Variants in CCSER1 observed in about 807,000 individuals in gnomAD.
CCSER1 encodes the protein coiled-coil serine rich protein 1.
In CCSER1, 41 loss-of-function variants were observed where a neutral mutation model predicts 82.0. That is an observed-to-expected ratio of 0.50 (90% CI 0.39 to 0.65). CCSER1 has a LOEUF of 0.65. Ranked by LOEUF, CCSER1 falls within the 30% of genes least tolerant of loss-of-function variation. CCSER1 has a pLI of 0.00. For missense variants in CCSER1, 1,119 were observed against 1,064.2 expected (o/e 1.05, Z -0.72); for synonymous variants, 414 against 383.9 (o/e 1.08, Z -0.92).
Position 90,574,251 on chromosome 4 carries a change from ATTTTTTTTT to A in CCSER1, c.1725-53754_1725-53746del, listed in dbSNP as rs777629017. ...CCATATAGCTTGTAGAAACACATTA[ATTTTTTTTT>A]TTTTTTTTTTTTTTTTTTTGAGACG... On this transcript the variant is annotated intron_variant, in intron 5 of 10. Transcript: ENST00000509176. 4.8e-4 allele frequency among the ~76,000 whole-genome samples: 41 copies of A among 86,072 alleles called. 1 individual carries two copies. The highest frequency in any genetic ancestry group is 2.4e-3 in the African/African-American group (40 of 16,460). The allele number at this position is 86,072 out of a possible 152,430, so 56.5% of individuals were successfully genotyped here. A position where few individuals can be genotyped will look rare whatever the true frequency, so the allele number is the denominator to read the frequency against.
chr4:90,796,028 T>A (rs1277756375), intron 7 of CCSER1, among the ~76,000 whole-genome samples: 1 of 151,192 alleles, frequency 6.6e-6, no homozygotes, highest in Non-Finnish European at 1.5e-5. Flanking sequence ...GGGAGGAGTC[T>A]CTCCTTCTCA....
intron 10 of CCSER1, among the ~76,000 whole-genome samples, chr4:91,552,344 G>C (rs1762197065): frequency 6.6e-6 from 1 of 151,456 alleles, no homozygotes; most frequent in South Asian, 2.1e-4. Flanking sequence ...TACTTTCCAG[G>C]CACCATTCTG....
chr4:90,968,128 T>A (rs1418018234), intron 9 of CCSER1, among the ~76,000 whole-genome samples: 4 of 151,858 alleles, frequency 2.6e-5, no homozygotes, highest in Admixed American at 6.6e-5. Flanking sequence ...ATCCTGCAGA[T>A]ATTTAAGAGT....
At chr4:91,023,042 T>C (rs1160792901) in intron 9 of CCSER1, among the ~76,000 whole-genome samples, 3 of 152,140 alleles carry the variant, frequency 2.0e-5, no homozygotes, top group Non-Finnish European at 4.4e-5. Flanking sequence ...ATTTTGGCTT[T>C]TGTTGCCATT....
rs1009965546 is a variant in CCSER1 at position 91,601,558 on chromosome 4, A to G, written c.*2501A>G. 6.6e-6 allele frequency: 1 copy of G among 152,008 alleles called. No individual in the cohort carries two copies. Among genetic ancestry groups the G allele is most frequent in the African/African-American group, 2.4e-5 (1 of 41,418 alleles). 9.4% of individuals were successfully genotyped at this position (152,008 alleles called of 1,614,324 possible). On this transcript the variant is annotated 3_prime_UTR_variant, in exon 11 of 11. Transcript: ENST00000509176. ...AACAATGGCATGTGGGCATTCTTTC[A>G]GTGAATTGCTTTCTTTGTACTAAAA...
chr4:90,361,806 G>A (rs904835844), intron 3 of CCSER1, among the ~76,000 whole-genome samples: 2 of 152,196 alleles, frequency 1.3e-5, no homozygotes, highest in Non-Finnish European at 2.9e-5. Context: ...GGGATAATGG[G>A]AGACAGTTCT....
chr4:90,538,183 G>C (rs1387747515), intron 5 of CCSER1, among the ~76,000 whole-genome samples: 1 of 151,922 alleles, frequency 6.6e-6, no homozygotes, highest in Admixed American at 6.6e-5. Context: ...TTTCCCCATT[G>C]TTTGCCTGTG....
At chr4:91,059,314 A>ATATATATACAGATAGTGTATATATATGTG (rs1743740691) in intron 9 of CCSER1, among the ~76,000 whole-genome samples, 1 of 143,970 alleles carries the variant, frequency 6.9e-6, no homozygotes, top group Non-Finnish European at 1.5e-5. Context: ...ATACGTGTAT[A>ATATATATACAGATAGTGTATATATATGTG]TATATATACA....
At chr4:90,381,951 G>A (rs1185801607) in intron 3 of CCSER1, among the ~76,000 whole-genome samples, 3 of 151,976 alleles carry the variant, frequency 2.0e-5, no homozygotes, top group Non-Finnish European at 4.4e-5. Flanking sequence ...TTTTAGTACT[G>A]AACTAGATTT....
At position 90,520,420 on chromosome 4, in the gene CCSER1, T is replaced by C. The variant is rs940855702; in HGVS notation, c.1724+52066T>C. Among the ~76,000 whole-genome samples, 19 of 152,292 alleles carry C rather than the reference T, an allele frequency of 1.2e-4. No homozygotes were observed. In the South Asian group the frequency reaches 3.5e-3, roughly 28 times the overall value. ...CTGTCACCTGAAAATGGTTTGTGGA[T>C]GTTAATGTCATCAGAACCTCAGTTG... On this transcript the variant is annotated intron_variant, in intron 5 of 10. Coordinates refer to ENST00000509176, the MANE Select transcript of CCSER1 (RefSeq NM_001145065.2).
chr4:90,323,897 T>G (rs775826192), intron 3 of CCSER1, among the ~76,000 whole-genome samples: 1 of 152,054 alleles, frequency 6.6e-6, no homozygotes, highest in Non-Finnish European at 1.5e-5. Flanking sequence ...TCAGTTCCCA[T>G]CTATGAGTGA....
chr4:90,612,003 A>C (rs888870905), intron 5 of CCSER1, among the ~76,000 whole-genome samples: 2 of 151,538 alleles, frequency 1.3e-5, no homozygotes, highest in Non-Finnish European at 2.9e-5. Context: ...TATCTCTTTT[A>C]TTTACCTTAT....
chr4:91,513,570 C>T (rs889162848), intron 10 of CCSER1, among the ~76,000 whole-genome samples: 31 of 152,126 alleles, frequency 2.0e-4, no homozygotes, highest in African/African-American at 7.5e-4. Flanking sequence ...TGGTAGAATT[C>T]AGCTGTGAAT....
chr4:90,780,032 C>T (rs1303907046), intron 7 of CCSER1, among the ~76,000 whole-genome samples: 1 of 152,130 alleles, frequency 6.6e-6, no homozygotes, highest in African/African-American at 2.4e-5. Context: ...CCTCTAGTCA[C>T]CTTGTTATAT....
rs558998812 is a variant in CCSER1 at position 90,705,677 on chromosome 4, C to T, written c.1933-18237C>T. ...CTACTCAAGCCTCAGCAATGGTGGG[C>T]GCCCCTCCCCCAGTCTCACTGCCTC... On this transcript the variant is annotated intron_variant, in intron 6 of 10. Transcript: ENST00000509176. Among the ~76,000 whole-genome samples the T allele has an allele frequency of 4.8e-4, 73 of 152,294 alleles. 2 individuals are homozygous for T. In the Middle Eastern group the frequency reaches 0.024, roughly 50 times the overall value.
chr4:91,275,618 A>G (rs1034671341), intron 10 of CCSER1, among the ~76,000 whole-genome samples: 1 of 152,034 alleles, frequency 6.6e-6, no homozygotes, highest in Non-Finnish European at 1.5e-5. Context: ...CTCTCATTCT[A>G]TAGGTTGTCT....
intron 5 of CCSER1, among the ~76,000 whole-genome samples, chr4:90,493,461 T>C (rs1768419427): frequency 6.6e-6 from 1 of 151,928 alleles, no homozygotes; most frequent in African/African-American, 2.4e-5. Flanking sequence ...CACATAATGG[T>C]CAGATTCACC....
At chr4:90,760,738 G>A (rs149709190) in intron 7 of CCSER1, among the ~76,000 whole-genome samples, 28 of 152,106 alleles carry the variant, frequency 1.8e-4, no homozygotes, top group African/African-American at 6.5e-4. Context: ...TCTTGTTATG[G>A]GACTACAGGT....
chr4:90,329,930 C>T (rs1299789872), intron 3 of CCSER1, among the ~76,000 whole-genome samples: 3 of 151,848 alleles, frequency 2.0e-5, no homozygotes, highest in Admixed American at 6.6e-5. Flanking sequence ...TATAATAACT[C>T]GATAAATTAC....
Sources: gnomAD v4.1 joint callset for allele counts (sites outside exome capture counted in the v4.1 genomes callset) on GRCh38, gnomAD v4.1.1 for gene constraint, MANE v1.5 for transcripts, NCBI Gene and HGNC (gene_info 2026-07-23, HGNC 2026-07-21) for gene names.